Variants in SPATA18 observed in about 807,000 individuals in gnomAD.
SPATA18 encodes the protein spermatogenesis associated 18.
A neutral mutation model predicts 68.1 loss-of-function variants in SPATA18; 54 were observed. The ratio of observed to expected loss-of-function variants is 0.79; its 90% CI spans 0.64 to 0.99. The LOEUF (loss-of-function observed/expected upper bound fraction) is 0.99. Among genes scored for constraint, SPATA18 ranks in the 50% least tolerant of loss-of-function variants. The pLI, the probability that SPATA18 is intolerant of heterozygous loss-of-function variation, is 0.00. For missense variants in SPATA18, 724 were observed against 681.1 expected, an observed-to-expected ratio of 1.06 and a Z score of -0.70; for synonymous variants, 242 against 244.8, an observed-to-expected ratio of 0.99 and a Z score of 0.11.
At chr4:52,082,964 G>A in intron 10 of SPATA18, 1 of 985,388 alleles carries the variant, frequency 1.0e-6, no homozygotes, top group Non-Finnish European at 1.2e-6. Context: ...GTATGGAGGG[G>A]AGGGATGGAG....
chr4:52,094,643 C>T, intron 12 of SPATA18, 71 bp downstream of exon 12: 1 of 1,465,640 alleles, frequency 6.8e-7, no homozygotes, highest in Non-Finnish European at 9.5e-7. Flanking sequence ...TAGCACTGAG[C>T]AGCAAAATGA....
intron 1 of SPATA18, 45 bp from the exon 2 acceptor site, chr4:52,060,374 A>C (rs1738723575): frequency 6.5e-7 from 1 of 1,540,406 alleles, no homozygotes. Flanking sequence ...AGTGGGTCCC[A>C]GAGTGAAGTA....
chr4:52,059,913 T>A (rs1241451852), intron 1 of SPATA18, among the ~76,000 whole-genome samples: 2 of 152,242 alleles, frequency 1.3e-5, no homozygotes, highest in African/African-American at 4.8e-5. Context: ...TTTAAATGTA[T>A]TTTTGTAGGG....
At chr4:52,056,014 C>T (rs1738308458) in intron 1 of SPATA18, among the ~76,000 whole-genome samples, 1 of 152,132 alleles carries the variant, frequency 6.6e-6, no homozygotes, top group East Asian at 1.9e-4. Context: ...CTTCGGCCTC[C>T]TTATTCTTCT....
chr4:52,052,495 A>T (rs974554600), intron 1 of SPATA18, among the ~76,000 whole-genome samples: 1 of 151,990 alleles, frequency 6.6e-6, no homozygotes, highest in African/African-American at 2.4e-5. Flanking sequence ...CTTCCCCCAA[A>T]TAGAACGGTG....
At chr4:52,085,040 TG>T in intron 11 of SPATA18, 41 bp downstream of exon 11, 1 of 1,440,590 alleles carries the variant, frequency 6.9e-7, no homozygotes, top group Admixed American at 2.4e-5. Context: ...AATTCATCTA[TG>T]GTTGGCTTTT....
chr4:52,071,864 C>T, intron 5 of SPATA18, 53 bp from the exon 6 acceptor site: 2 of 1,570,026 alleles, frequency 1.3e-6, no homozygotes, highest in Non-Finnish European at 8.7e-7. Context: ...CCTTCCTTCA[C>T]TCCCTCCCCT....
At position 52,076,772 on chromosome 4, in the gene SPATA18, C is replaced by A; in HGVS notation, c.759-7C>A. 6.2e-7 allele frequency: 1 copy of A among 1,612,150 alleles called. No individual in the cohort carries two copies. The highest frequency in any genetic ancestry group is 8.5e-7 in the Non-Finnish European group (1 of 1,178,790). ...GATTTCCCTGGCTGATTCTCGCTCACCAACAGGTCCTCCAGGAGCCGGTCT... is the reference window on the plus strand; with the variant it reads ...GATTTCCCTGGCTGATTCTCGCTCAACAACAGGTCCTCCAGGAGCCGGTCT... On this transcript the variant is annotated splice_region_variant and splice_polypyrimidine_tract_variant and intron_variant, in intron 6 of 12. Transcript: ENST00000295213.
chr4:52,078,442 A>G (rs1740607145), intron 7 of SPATA18: 2 of 237,736 alleles, frequency 8.4e-6, no homozygotes. Flanking sequence ...CTATGGGCTT[A>G]TAGCAGGGGA....
chr4:52,094,927 A>G lies in SPATA18; in HGVS notation c.*40A>G. 2 of 1,613,772 alleles carry G rather than the reference A, an allele frequency of 1.2e-6. No individual in the cohort carries two copies. Among genetic ancestry groups the G allele is most frequent in the East Asian group, 4.5e-5 (2 of 44,880 alleles). On this transcript the variant is annotated 3_prime_UTR_variant, in exon 13 of 13. Coordinates refer to ENST00000295213, the MANE Select transcript of SPATA18 (RefSeq NM_145263.4). The stretch of plus-strand genomic sequence containing the variant: ...CTCCTTTGACCCAGTGCGTGGAAAC[A>G]GCTGCTTTCTCCAGTGCCGCCATCT...
chr4:52,082,306 G>A, intron 9 of SPATA18, 81 bp from the exon 10 acceptor site: 1 of 1,312,846 alleles, frequency 7.6e-7, no homozygotes, highest in Non-Finnish European at 1.1e-6. Flanking sequence ...AATACAAAAT[G>A]AGAATTCACA....
Position 52,084,871 on chromosome 4 carries a change from C to T in SPATA18, c.1480-45C>T. The T allele has an allele frequency of 1.9e-6, 3 of 1,591,998 alleles. No homozygotes were observed. The South Asian group carries it at 3.3e-5, about 18-fold the overall frequency. ...TGTTGTTTTGAGCCATGACAGTTTT[C>T]ACAAACTCCTGACTATGTCTCTCTC... is the stretch of plus-strand genomic sequence containing the variant. On this transcript the variant is annotated intron_variant, in intron 10 of 12. Coordinates refer to ENST00000295213, the MANE Select transcript of SPATA18 (RefSeq NM_145263.4).
intron 11 of SPATA18, among the ~76,000 whole-genome samples, chr4:52,091,007 T>G (rs1405265450): frequency 6.6e-6 from 1 of 152,052 alleles, no homozygotes; most frequent in African/African-American, 2.4e-5. Context: ...CTTTTTTCTC[T>G]AATCTTGTCT....
intron 4 of SPATA18, among the ~76,000 whole-genome samples, chr4:52,063,163 A>T (rs1739034190): frequency 6.6e-6 from 1 of 152,170 alleles, no homozygotes; most frequent in Non-Finnish European, 1.5e-5. Context: ...TTTAAAAAAA[A>T]TTAATAACTA....
At chr4:52,063,465 C>T (rs1739062628) in intron 4 of SPATA18, among the ~76,000 whole-genome samples, 1 of 152,080 alleles carries the variant, frequency 6.6e-6, no homozygotes, top group Non-Finnish European at 1.5e-5. Flanking sequence ...AGTTATATAC[C>T]TGAAGCAGTC....
chr4:52,089,328 T>A (rs1224475119), intron 11 of SPATA18, among the ~76,000 whole-genome samples: 1 of 152,228 alleles, frequency 6.6e-6, no homozygotes, highest in Non-Finnish European at 1.5e-5. Context: ...TTCTGCTAGC[T>A]TTTGAATTTG....
rs764434785 is a variant in SPATA18 at position 52,076,961 on chromosome 4, G to T, written c.941G>T (p.Arg314Leu). 6.2e-7 allele frequency: 1 copy of T among 1,614,048 alleles called. No individual in the cohort carries two copies. Among genetic ancestry groups the T allele is most frequent in the Non-Finnish European group, 8.5e-7 (1 of 1,179,990 alleles). Residue 314 changes from arginine (R) to leucine (L), a missense_variant, in exon 7 of 13, where the codon CGC (arginine) becomes CTC (leucine). Physicochemically the swap from Arg to Leu is moderately radical, Grantham distance 102. Coordinates refer to ENST00000295213, the MANE Select transcript of SPATA18 (RefSeq NM_145263.4). ...SRFSDSYSQARLDAQCLLRRC... is the reference protein window; with the variant it reads ...SRFSDSYSQALLDAQCLLRRC... ...TTCAGCGATTCCTATTCCCAGGCCC[G>T]CCTGGACGCGCAGTGCCTGCTGCGG...
In SPATA18 at chr4:52,094,540, G is replaced by A. The variant is rs562919654; in HGVS notation, c.1577G>A (p.Arg526Gln). 18 of 1,613,168 alleles carry A rather than the reference G, an allele frequency of 1.1e-5. No homozygotes were observed. Among genetic ancestry groups the A allele is most frequent in the African/African-American group, 4.0e-5 (3 of 74,864 alleles). ...QIGLNTMSRS[R>Q]SPSPIRCGLP... is the part of the protein sequence containing the mutation. ...TATATTTTCCAGATGTCTCGAAGTC[G>A]GAGTCCTTCTCCAATAAGATGTGGA... Residue 526 changes from arginine to glutamine, a missense_variant, in exon 12 of 13, where the codon CGG becomes CAG. By Grantham distance (43) the Arg-to-Gln change is conservative. Transcript: ENST00000295213.
At chr4:52,065,975 GC>G (rs1024853541) in intron 4 of SPATA18, among the ~76,000 whole-genome samples, 1 of 151,970 alleles carries the variant, frequency 6.6e-6, no homozygotes, top group Admixed American at 6.6e-5. Context: ...TTTCACACTT[GC>G]CCCTTTCTTT....
Sources: allele counts gnomAD v4.1 joint callset (sites outside exome capture counted in the v4.1 genomes callset), GRCh38; gene constraint gnomAD v4.1.1; transcripts MANE v1.5; gene names NCBI Gene and HGNC (gene_info 2026-07-23, HGNC 2026-07-21).